The following PCDHGB4 variants were observed in gnomAD, a reference collection of about 807,000 sequenced individuals.
PCDHGB4 encodes the protein protocadherin gamma subfamily B, 4.
In PCDHGB4, 38 loss-of-function variants were observed where a neutral mutation model predicts 60.5. The ratio of observed to expected loss-of-function variants is 0.63; its 90% CI spans 0.48 to 0.82. The LOEUF (loss-of-function observed/expected upper bound fraction) is 0.82. PCDHGB4 is among the 40% of genes least tolerant of loss of function. The pLI is 0.00. For missense variants in PCDHGB4, 1,109 were observed against 1,209.6 expected (o/e 0.92, Z 1.23); for synonymous variants, 456 against 509.7 (o/e 0.89, Z 1.42).
intron 1 of PCDHGB4, among the ~76,000 whole-genome samples, chr5:141,444,095 T>C (rs1012556994): frequency 2.0e-5 from 3 of 150,676 alleles, no homozygotes; most frequent in Admixed American, 1.3e-4. Flanking sequence ...CTGCTAAGGA[T>C]TGGAAACCAA....
At chr5:141,448,139 C>A (rs1486636157) in intron 1 of PCDHGB4, among the ~76,000 whole-genome samples, 1 of 151,884 alleles carries the variant, frequency 6.6e-6, no homozygotes, top group African/African-American at 2.4e-5. Context: ...CCTCACTATA[C>A]CTCAGACTCA....
In PCDHGB4 at chr5:141,388,889, CAT is replaced by C; in HGVS notation, c.1007_1008del (p.Ile336ArgfsTer2). 3.7e-6 allele frequency: 6 copies of C among 1,613,954 alleles called. No homozygotes were observed. The highest frequency in any genetic ancestry group is 5.1e-6 in the Non-Finnish European group (6 of 1,179,860). The stretch of plus-strand genomic sequence containing the variant: ...CGCAATGCACAGTGGAGGTAGAAGT[CAT>C]AGATGAAAATGACAACGCCCCAGAA... ...IAQCTVEVEV[I>X]DENDNAPEVI... On this transcript the variant is annotated frameshift_variant, in exon 1 of 4. Coordinates refer to ENST00000519479, the MANE Select transcript of PCDHGB4 (RefSeq NM_003736.4). LOFTEE classifies it high-confidence loss of function.
chr5:141,473,476 A>G (rs1300050332), intron 1 of PCDHGB4, among the ~76,000 whole-genome samples: 15 of 151,558 alleles, frequency 9.9e-5, no homozygotes, highest in Admixed American at 9.2e-4. Context: ...GCCAAGTTCA[A>G]TGGAAAAAAT....
chr5:141,451,326 G>T (rs189445228), intron 1 of PCDHGB4, among the ~76,000 whole-genome samples: 3 of 152,278 alleles, frequency 2.0e-5, no homozygotes, highest in Admixed American at 2.0e-4. Context: ...GTCACCTAAG[G>T]CTATTGTCTT....
chr5:141,494,784 C>T, intron 1 of PCDHGB4, 23 bp from the exon 2 acceptor site: 1 of 1,614,110 alleles, frequency 6.2e-7, no homozygotes, highest in Non-Finnish European at 8.5e-7. Flanking sequence ...TACTCAGCCC[C>T]TTTCCCTCTG....
In PCDHGB4 at chr5:141,417,067, A is replaced by G. The variant is rs1008801110; in HGVS notation, c.2397+26786A>G. The stretch of plus-strand genomic sequence containing the variant: ...AAAAACTGCTCTTGACATTGTAGCT[A>G]TTGTGAGAAAATATTTTGATTATAA... On this transcript the variant is annotated intron_variant, in intron 1 of 3. Coordinates refer to ENST00000519479, the MANE Select transcript of PCDHGB4 (RefSeq NM_003736.4). 2.0e-5 allele frequency: 3 copies of G among 152,102 alleles called. No homozygotes were observed. The South Asian group carries it at 6.2e-4, about 31-fold the overall frequency. 9.4% of individuals were successfully genotyped at this position (152,102 alleles called of 1,614,324 possible).
chr5:141,486,714 C>G lies in PCDHGB4; in HGVS notation c.2398-8093C>G. On this transcript the variant is annotated intron_variant, in intron 1 of 3. Transcript: ENST00000519479. This position sits in a 1 kb window ranked among gnomAD's most constrained non-coding sequence, Gnocchi z 5.0. ...TCTTTCATCTCTCTGAACCCCCAGA[C>G]AGGAGCTGTTCATGCTACTCGATCC... 1.2e-6 allele frequency: 2 copies of G among 1,614,216 alleles called. No individual in the cohort carries two copies. Among genetic ancestry groups the G allele is most frequent in the African/African-American group, 1.3e-5 (1 of 75,062 alleles).
At chr5:141,506,191 C>T (rs932500250) in intron 3 of PCDHGB4, among the ~76,000 whole-genome samples, 8 of 152,182 alleles carry the variant, frequency 5.3e-5, no homozygotes, top group African/African-American at 1.9e-4. Flanking sequence ...TGGCTCACGC[C>T]TGTAATCCCA....
chr5:141,509,059 C>T (rs1313349089), intron 3 of PCDHGB4, among the ~76,000 whole-genome samples: 2 of 152,182 alleles, frequency 1.3e-5, no homozygotes, highest in Non-Finnish European at 2.9e-5. Flanking sequence ...CCAGAAAGCT[C>T]TCAGCTCCGG....
At chr5:141,395,169 G>A in intron 1 of PCDHGB4, 3 of 1,614,020 alleles carry the variant, frequency 1.9e-6, no homozygotes, top group Non-Finnish European at 2.5e-6. Flanking sequence ...GGAGGGCTGT[G>A]AGAAAAATGA....
Position 141,389,755 on chromosome 5 carries a change from T to C in PCDHGB4, c.1871T>C (p.Val624Ala). The change falls in exon 1 of 4, where the codon GTG becomes GCG. Residue 624 changes from valine (V) to alanine (A), a missense_variant. Physicochemically the swap from Val to Ala is moderately conservative, Grantham distance 64. Transcript: ENST00000519479. ...LFSLGLRTGE[V>A]RTARALGDRD... Reference sequence around the variant, plus strand: ...AGCCTGGGGCTGCGCACGGGCGAAGTGCGCACAGCGCGTGCCTTAGGCGAC... The same window carrying C: ...AGCCTGGGGCTGCGCACGGGCGAAGCGCGCACAGCGCGTGCCTTAGGCGAC... 1 of 1,612,872 alleles carries C rather than the reference T, an allele frequency of 6.2e-7. No individual in the cohort carries two copies. The highest frequency in any genetic ancestry group is 1.3e-5 in the African/African-American group (1 of 75,064).
chr5:141,394,184 C>G, intron 1 of PCDHGB4: 1 of 1,613,944 alleles, frequency 6.2e-7, no homozygotes, highest in Non-Finnish European at 8.5e-7. Context: ...ATGCCTCCTA[C>G]TCAGCGTATA....
intron 1 of PCDHGB4, chr5:141,418,595 G>GT (rs2096273873): frequency 6.2e-7 from 1 of 1,613,928 alleles, no homozygotes; most frequent in African/African-American, 1.3e-5. Context: ...CAGCCAGGAC[G>GT]TGTACAGGGT....
chr5:141,511,265 A>C lies in PCDHGB4; in HGVS notation c.*92A>C. The C allele has an allele frequency of 6.4e-7, 1 of 1,551,730 alleles. No individual in the cohort carries two copies. Among genetic ancestry groups the C allele is most frequent in the Non-Finnish European group, 8.7e-7 (1 of 1,148,178 alleles). ...ACCCAGGCCTCAGAGTTTCAGGGCT[A>C]ACCCCCAGAATACTGGTAGGGGCCA... On this transcript the variant is annotated 3_prime_UTR_variant, in exon 4 of 4. Coordinates refer to ENST00000519479, the MANE Select transcript of PCDHGB4 (RefSeq NM_003736.4).
At chr5:141,394,740 G>C in intron 1 of PCDHGB4, 2 of 1,613,404 alleles carry the variant, frequency 1.2e-6, no homozygotes, top group Non-Finnish European at 1.7e-6. Context: ...GCAGAGCCTC[G>C]TGGTGGCCGT....
chr5:141,431,126 G>A lies in PCDHGB4; in HGVS notation c.2397+40845G>A, dbSNP rs2097344901. The A allele has an allele frequency of 2.5e-6, 4 of 1,614,114 alleles. No individual in the cohort carries two copies. Among genetic ancestry groups the A allele is most frequent in the Non-Finnish European group, 3.4e-6 (4 of 1,180,038 alleles). On this transcript the variant is annotated intron_variant, in intron 1 of 3. Coordinates refer to ENST00000519479, the MANE Select transcript of PCDHGB4 (RefSeq NM_003736.4). The surrounding 1 kb of genome is among the most constrained non-coding windows in gnomAD (Gnocchi z 4.8). ...GAAAATATATGGAGTAGAAGTAGAA[G>A]TAAGGGACATTAACGACAATGCGCC... is the stretch of plus-strand genomic sequence containing the variant.
chr5:141,418,397 T>C (rs764404369), intron 1 of PCDHGB4: 9 of 1,613,838 alleles, frequency 5.6e-6, no homozygotes, highest in South Asian at 3.3e-5. Context: ...GTATTTCTCA[T>C]TGGTGGAGAA....
chr5:141,505,676 C>A (rs1308943385), intron 3 of PCDHGB4, among the ~76,000 whole-genome samples, 195 bp downstream of exon 3: 1 of 152,060 alleles, frequency 6.6e-6, no homozygotes, highest in South Asian at 2.1e-4. Context: ...GGTTGGGGGT[C>A]CTGGGATGCC....
chr5:141,429,760 C>T (rs1036499079), intron 1 of PCDHGB4, among the ~76,000 whole-genome samples: 2 of 152,020 alleles, frequency 1.3e-5, no homozygotes, highest in Non-Finnish European at 2.9e-5. Context: ...AATTTTTTCC[C>T]TATATTTTGA....
Sources: allele counts gnomAD v4.1 joint callset (sites outside exome capture counted in the v4.1 genomes callset), GRCh38; gene constraint gnomAD v4.1.1; non-coding constraint Gnocchi (gnomAD v3.1); transcripts MANE v1.5; gene names NCBI Gene and HGNC (gene_info 2026-07-23, HGNC 2026-07-21).